EDA: variants seen among roughly 807,000 people sequenced by gnomAD.
The protein encoded by EDA is ectodysplasin-A.
A neutral mutation model predicts 23.6 loss-of-function variants in EDA; 2 were observed. The observed-to-expected ratio is 0.08, with a 90% CI of 0.03 to 0.27. EDA has a LOEUF of 0.27. Among genes scored for constraint, EDA ranks in the 10% least tolerant of loss-of-function variants. The pLI, the probability that EDA is intolerant of heterozygous loss-of-function variation, is 1.00. For synonymous variants in EDA, 131 were observed against 132.0 expected (o/e 0.99, Z 0.05); for missense variants, 229 against 324.2 (o/e 0.71, Z 2.26).
At chrX:69,979,646 G>A (rs1235036481) in intron 2 of EDA, among the ~76,000 whole-genome samples, 1 of 111,859 alleles carries the variant, frequency 8.9e-6, no homozygotes, top group Non-Finnish European at 1.9e-5. Flanking sequence ...GACCGATGAT[G>A]TCAAGCATCT....
rs759715919 is a variant in EDA at position 69,737,787 on chromosome X, GA to G, written c.396+121087del. On this transcript the variant is annotated intron_variant, in intron 1 of 7. Transcript: ENST00000374552. Reference sequence around the variant, plus strand: ...ATGAATTCTCTGTTTTTGTTTGCCTGAAAAGGTCTTTTTAAAGAGTTCAGCT... The same window carrying G: ...ATGAATTCTCTGTTTTTGTTTGCCTGAAAGGTCTTTTTAAAGAGTTCAGCT... Among the ~76,000 whole-genome samples the G allele has an allele frequency of 5.9e-3, 662 of 111,499 alleles. 8 individuals carry two copies. Among genetic ancestry groups the G allele is most frequent in the African/African-American group, 0.021 (634 of 30,793 alleles).
intron 1 of EDA, among the ~76,000 whole-genome samples, chrX:69,912,009 C>T (rs1218842702): frequency 2.7e-5 from 3 of 112,632 alleles, no homozygotes; most frequent in African/African-American, 9.7e-5. Context: ...TATAGTAGAA[C>T]TTCTTTCAAA....
At chrX:69,617,590 T>G in intron 1 of EDA, 1 of 247,119 alleles carries the variant, frequency 4.0e-6, no homozygotes. Context: ...TTTTCTATTC[T>G]ATTCTTTCTA....
chrX:69,696,779 G>GT (rs1219370244), intron 1 of EDA, among the ~76,000 whole-genome samples: 1 of 112,054 alleles, frequency 8.9e-6, no homozygotes, highest in Non-Finnish European at 1.9e-5. Context: ...TCATAGAGTA[G>GT]TTTTTTCATG....
Position 69,707,758 on chromosome X carries a change from C to T in EDA, c.396+91054C>T, listed in dbSNP as rs995571841. 4.5e-5 allele frequency among the ~76,000 whole-genome samples: 5 copies of T among 111,076 alleles called. No homozygotes were observed. The South Asian group carries it at 1.9e-3, about 42-fold the overall frequency. On this transcript the variant is annotated intron_variant, in intron 1 of 7. Coordinates refer to ENST00000374552, the MANE Select transcript of EDA (RefSeq NM_001399.5). ...TGGAGGAGTTCTAGATTTTTTGGAT[C>T]CAGATGAACCCATGATTTCCTATCA...
intron 1 of EDA, among the ~76,000 whole-genome samples, chrX:69,642,007 C>T (rs1330755304): frequency 8.9e-6 from 1 of 111,744 alleles, no homozygotes; most frequent in Non-Finnish European, 1.9e-5. Context: ...AAGTTCCTGG[C>T]TTACAGAAAG....
chrX:69,867,251 G>C (rs1479372795), intron 1 of EDA, among the ~76,000 whole-genome samples: 1 of 111,842 alleles, frequency 8.9e-6, no homozygotes, highest in Non-Finnish European at 1.9e-5. Context: ...GTGATGACAG[G>C]GGTGGCTGGG....
At chrX:69,625,380 G>A (rs889420861) in intron 1 of EDA, among the ~76,000 whole-genome samples, 1 of 110,845 alleles carries the variant, frequency 9.0e-6, no homozygotes, top group Non-Finnish European at 1.9e-5. Context: ...GCAAAGGCCT[G>A]GAGATGAAAG....
chrX:69,617,728 T>G (rs745383024), intron 1 of EDA: 1 of 356,067 alleles, frequency 2.8e-6, no homozygotes, highest in Non-Finnish European at 5.5e-6. Flanking sequence ...ATTGTACCTC[T>G]TAGGGAAGAG....
At chrX:69,635,048 T>C (rs1932748685) in intron 1 of EDA, among the ~76,000 whole-genome samples, 1 of 112,389 alleles carries the variant, frequency 8.9e-6, no homozygotes, top group South Asian at 3.7e-4. Context: ...TATACCTGTG[T>C]AGTAGGCTAT....
chrX:69,801,944 T>C lies in EDA; in HGVS notation c.397-155083T>C, dbSNP rs1256656765. ...ACCACTTTGGAGAACAATATGGCAATAGCTATTAAAGTTGAAGATGTATGT... is the reference window on the plus strand; with the variant it reads ...ACCACTTTGGAGAACAATATGGCAACAGCTATTAAAGTTGAAGATGTATGT... On this transcript the variant is annotated intron_variant, in intron 1 of 7. Coordinates refer to ENST00000374552, the MANE Select transcript of EDA (RefSeq NM_001399.5). 1.3e-4 allele frequency among the ~76,000 whole-genome samples: 14 copies of C among 111,495 alleles called. No homozygotes were observed. The Admixed American group carries it at 1.3e-3, about 11-fold the overall frequency.
At chrX:69,962,554 C>A (rs950340830) in intron 2 of EDA, among the ~76,000 whole-genome samples, 14 of 111,529 alleles carry the variant, frequency 1.3e-4, no homozygotes, top group African/African-American at 4.2e-4. Flanking sequence ...GCCTCAGCCT[C>A]CCAAGTAGCT....
intron 1 of EDA, among the ~76,000 whole-genome samples, chrX:69,783,624 T>G (rs1406249255): frequency 1.8e-5 from 2 of 111,357 alleles, no homozygotes; most frequent in African/African-American, 3.3e-5. Context: ...AACTCATCAT[T>G]TTTTATGGTT....
chrX:69,800,274 A>G (rs2015651255), intron 1 of EDA, among the ~76,000 whole-genome samples: 1 of 111,506 alleles, frequency 9.0e-6, no homozygotes, highest in Non-Finnish European at 1.9e-5. Flanking sequence ...GGTTAATGAG[A>G]ATAAACATAC....
chrX:69,697,495 G>C (rs1003651936), intron 1 of EDA, among the ~76,000 whole-genome samples: 4 of 111,768 alleles, frequency 3.6e-5, no homozygotes, highest in African/African-American at 1.3e-4. Context: ...CGTGACATGG[G>C]GGGTGTTGTG....
intron 1 of EDA, among the ~76,000 whole-genome samples, chrX:69,635,533 C>T (rs954000383): frequency 2.8e-5 from 3 of 106,951 alleles, no homozygotes; most frequent in African/African-American, 1.0e-4. Context: ...TACTCCTTCT[C>T]ACTTCCTCCC....
At chrX:69,959,959 GGA>G (rs1469988395) in intron 2 of EDA, among the ~76,000 whole-genome samples, 5 of 111,659 alleles carry the variant, frequency 4.5e-5, no homozygotes, top group African/African-American at 1.6e-4. Flanking sequence ...AGTAAGAAGA[GGA>G]AGAGGGAAGG....
chrX:69,990,587 C>T (rs987573811), intron 2 of EDA, among the ~76,000 whole-genome samples: 1 of 110,794 alleles, frequency 9.0e-6, no homozygotes, highest in Non-Finnish European at 1.9e-5. Flanking sequence ...GCTCCCCACT[C>T]GGCTTTTGTT....
At chrX:69,803,910 G>A (rs1219839536) in intron 1 of EDA, among the ~76,000 whole-genome samples, 1 of 109,985 alleles carries the variant, frequency 9.1e-6, no homozygotes, top group Non-Finnish European at 1.9e-5. Context: ...GAGAATATAT[G>A]GTGTTTAATT....
Sources: gnomAD v4.1 joint callset for allele counts (sites outside exome capture counted in the v4.1 genomes callset) on GRCh38, gnomAD v4.1.1 for gene constraint, MANE v1.5 for transcripts, NCBI Gene and HGNC (gene_info 2026-07-23, HGNC 2026-07-21) for gene names.